SYTL2: variants seen among roughly 807,000 people sequenced by gnomAD.
SYTL2 encodes the protein synaptotagmin-like protein 2.
In SYTL2, 165 loss-of-function variants were observed where a neutral mutation model predicts 198.7. The ratio of observed to expected loss-of-function variants is 0.83; its 90% CI spans 0.73 to 0.94. SYTL2 has a LOEUF of 0.94. Ranked by LOEUF, SYTL2 falls within the 40% of genes least tolerant of loss-of-function variation. The probability of loss-of-function intolerance (pLI) is 0.00; values close to 1 mark genes in which losing one functional copy is unlikely to be tolerated. For synonymous variants in SYTL2, 966 were observed against 917.7 expected (o/e 1.05, Z -0.95); for missense variants, 2,835 against 2,582.8 (o/e 1.10, Z -2.12).
the SYTL2 span, among the ~76,000 whole-genome samples, chr11:85,829,898 C>A: frequency 6.6e-6 from 1 of 152,132 alleles, no homozygotes; most frequent in East Asian, 1.9e-4. Context: ...AGGTATTCCA[C>A]TTCTTTAAAA....
intron 1 of SYTL2, among the ~76,000 whole-genome samples, chr11:85,786,664 C>A (rs2092640762): frequency 6.6e-6 from 1 of 152,160 alleles, no homozygotes; most frequent in African/African-American, 2.4e-5. Context: ...AGAGAGGGGG[C>A]ATCAACACAT....
At chr11:85,845,923 A>G in the SYTL2 span, among the ~76,000 whole-genome samples, 2 of 152,176 alleles carry the variant, frequency 1.3e-5, no homozygotes, top group Non-Finnish European at 2.9e-5. Context: ...TCAAAAAAAA[A>G]TAATAATAAA....
intron 15 of SYTL2, chr11:85,705,263 A>T (rs1216161167): frequency 2.6e-6 from 1 of 386,106 alleles, no homozygotes. Flanking sequence ...ACCAAGGCTC[A>T]GATATCATAG....
the SYTL2 span, among the ~76,000 whole-genome samples, chr11:85,829,682 G>A: frequency 6.6e-6 from 1 of 152,124 alleles, no homozygotes; most frequent in African/African-American, 2.4e-5. Context: ...GTGTATAAGT[G>A]TTTCCTTTTC....
chr11:85,818,840 A>G, the SYTL2 span, among the ~76,000 whole-genome samples: 250 of 152,148 alleles, frequency 1.6e-3, 2 homozygotes, highest in African/African-American at 5.8e-3. Flanking sequence ...ATAAGCATGC[A>G]CCACCATACC....
rs1282050769 is a variant in SYTL2, at chr11:85,789,320, G to A, written c.-390+21634C>T. Among the ~76,000 whole-genome samples the A allele has an allele frequency of 4.6e-5, 5 of 108,018 alleles. No individual in the cohort carries two copies. The East Asian group carries it at 1.1e-3, about 24-fold the overall frequency. 70.9% of individuals were successfully genotyped at this position (108,018 alleles called of 152,430 possible). A position where few individuals can be genotyped will look rare whatever the true frequency, so the allele number is the denominator to read the frequency against. ...ATTTATTTATTTATATGATGTGTGTGTGTATGTGTGTGTGTGTGTGTATAT... is the reference window on the plus strand; with the variant it reads ...ATTTATTTATTTATATGATGTGTGTATGTATGTGTGTGTGTGTGTGTATAT... On this transcript the variant is annotated intron_variant, in intron 1 of 19. Transcript: ENST00000359152.
At chr11:85,852,259 T>C in the SYTL2 span, among the ~76,000 whole-genome samples, 3 of 152,342 alleles carry the variant, frequency 2.0e-5, no homozygotes, top group Non-Finnish European at 2.9e-5. Context: ...AGGGGCCTCA[T>C]TTCTGTCTTC....
intron 2 of SYTL2, among the ~76,000 whole-genome samples, chr11:85,751,270 A>G (rs898282846): frequency 1.3e-5 from 2 of 152,228 alleles, no homozygotes; most frequent in Admixed American, 1.3e-4. Flanking sequence ...ACTATTTCGT[A>G]GATAAATCCA....
At chr11:85,800,746 C>T (rs1370511537) in intron 1 of SYTL2, among the ~76,000 whole-genome samples, 2 of 152,214 alleles carry the variant, frequency 1.3e-5, no homozygotes, top group African/African-American at 2.4e-5. Context: ...CAAGCAAATA[C>T]CTGTGCTCAG....
intron 12 of SYTL2, among the ~76,000 whole-genome samples, chr11:85,713,802 G>A (rs1378065515): frequency 6.6e-6 from 1 of 152,166 alleles, no homozygotes; most frequent in Non-Finnish European, 1.5e-5. Context: ...AGACCGTACA[G>A]TATATAGTAT....
chr11:85,730,782 T>C (rs2089733281), intron 7 of SYTL2, among the ~76,000 whole-genome samples: 3 of 152,180 alleles, frequency 2.0e-5, no homozygotes, highest in Middle Eastern at 3.4e-3. Context: ...GGTATTCAAA[T>C]AGGAAGAGAG....
intron 1 of SYTL2, among the ~76,000 whole-genome samples, chr11:85,789,751 G>A (rs1414510566): frequency 6.6e-6 from 1 of 152,166 alleles, no homozygotes; most frequent in South Asian, 2.1e-4. Flanking sequence ...AACAAGGGAT[G>A]TAAACCCAGG....
At chr11:85,721,004 AAAAAAAATCCTCTAACATATGG>A in intron 8 of SYTL2, 45 bp from the exon 9 acceptor site, 1 of 1,208,678 alleles carries the variant, frequency 8.3e-7, no homozygotes, top group Non-Finnish European at 1.2e-6. Context: ...TACCAAAAAA[AAAAAAAATCCTCTAACATATGG>A]ACATAGAAAT....
chr11:85,767,187 T>C (rs1316047535), intron 1 of SYTL2, among the ~76,000 whole-genome samples: 1 of 152,212 alleles, frequency 6.6e-6, no homozygotes, highest in Non-Finnish European at 1.5e-5. Flanking sequence ...ACTAATTCTT[T>C]GCGTGGATGA....
chr11:85,788,143 T>C (rs907362560), intron 1 of SYTL2, among the ~76,000 whole-genome samples: 1 of 152,194 alleles, frequency 6.6e-6, no homozygotes, highest in Admixed American at 6.5e-5. Context: ...TTAAAGACTA[T>C]GCTAATTCAG....
chr11:85,845,157 A>G, the SYTL2 span, among the ~76,000 whole-genome samples: 1 of 152,186 alleles, frequency 6.6e-6, no homozygotes, highest in South Asian at 2.1e-4. Context: ...AGACTGGATT[A>G]GGTTTTCCAC....
At chr11:85,748,564 T>C (rs2091315915) in intron 2 of SYTL2, 141 bp from the exon 3 acceptor site, 3 of 900,886 alleles carry the variant, frequency 3.3e-6, no homozygotes, top group Non-Finnish European at 4.9e-6. Flanking sequence ...ACTTCCCAGA[T>C]GACTAACAAG....
In SYTL2 at chr11:85,773,547, G is replaced by C. The variant is rs532868911; in HGVS notation, c.-389-15433C>G. Among the ~76,000 whole-genome samples, 4 of 152,158 alleles carry C rather than the reference G, an allele frequency of 2.6e-5. No individual in the cohort carries two copies. In the East Asian group the frequency reaches 7.8e-4, roughly 29 times the overall value. ...GTCTCACAGGACTCGGCATTATATA[G>C]CAACTGTCTGTTTCCTTATCCGTCT... On this transcript the variant is annotated intron_variant, in intron 1 of 19. Transcript: ENST00000359152.
the SYTL2 span, chr11:85,853,335 G>C: frequency 0.14 from 61,294 of 444,716 alleles, 5,250 homozygotes; most frequent in Non-Finnish European, 0.17. Flanking sequence ...CTTCTGCCTT[G>C]GGATGCTGTT....
Sources: gnomAD v4.1 joint callset for allele counts (sites outside exome capture counted in the v4.1 genomes callset) on GRCh38, gnomAD v4.1.1 for gene constraint, MANE v1.5 for transcripts, NCBI Gene and HGNC (gene_info 2026-07-23, HGNC 2026-07-21) for gene names.